The following PYHIN1 variants were observed in gnomAD, a reference collection of about 807,000 sequenced individuals.
The protein encoded by PYHIN1 is pyrin and HIN domain family member 1, also known as pyrin and HIN domain-containing protein 1.
Under a neutral mutation model 43.7 loss-of-function variants are expected in PYHIN1, and 32 were observed. The ratio of observed to expected loss-of-function variants is 0.73; its 90% confidence interval spans 0.55 to 0.98. The LOEUF (loss-of-function observed/expected upper bound fraction) is 0.98. PYHIN1 is among the 50% of genes least tolerant of loss of function. The pLI is 0.00. For synonymous variants in PYHIN1, 205 were observed against 203.1 expected, an observed-to-expected ratio of 1.01 and a Z score of -0.08; for missense variants, 588 against 589.5, an observed-to-expected ratio of 1.00 and a Z score of 0.03.
intron 1 of PYHIN1, 84 bp from the exon 2 acceptor site, chr1:158,936,807 G>T: frequency 1.2e-6 from 1 of 855,160 alleles, no homozygotes; most frequent in Non-Finnish European, 1.7e-6. Context: ...TCTTTCTTAT[G>T]GGCCACTTAT....
At chr1:158,939,643 T>C in intron 4 of PYHIN1, 1 of 992,578 alleles carries the variant, frequency 1.0e-6, no homozygotes, top group Non-Finnish European at 1.5e-6. Context: ...ACCTTTAAAC[T>C]CTTACCTGGC....
chr1:158,986,297 T>A, the PYHIN1 span, among the ~76,000 whole-genome samples: 1 of 152,184 alleles, frequency 6.6e-6, no homozygotes, highest in Admixed American at 6.5e-5. Context: ...TATTCTTTGA[T>A]GTCCTTGAGT....
chr1:158,976,437 G>T (rs901257513), intron 8 of PYHIN1, among the ~76,000 whole-genome samples: 5 of 151,932 alleles, frequency 3.3e-5, no homozygotes, highest in African/African-American at 7.3e-5. Context: ...CTATCTTATT[G>T]TTCCCTGACA....
At chr1:158,949,990 G>C (rs1332868934) in intron 7 of PYHIN1, among the ~76,000 whole-genome samples, 1 of 152,190 alleles carries the variant, frequency 6.6e-6, no homozygotes, top group East Asian at 1.9e-4. Context: ...CACAGTGGAA[G>C]GATAGTGGAG....
the PYHIN1 span, among the ~76,000 whole-genome samples, chr1:158,983,769 T>C: frequency 6.6e-6 from 1 of 152,172 alleles, no homozygotes; most frequent in East Asian, 1.9e-4. Flanking sequence ...GTCTGATCCA[T>C]GGCTTTTGTT....
Position 158,938,381 on chromosome 1 carries a change from C to T in PYHIN1, c.266-16C>T. The T allele has an allele frequency of 6.2e-7, 1 of 1,613,944 alleles. No individual in the cohort carries two copies. Among genetic ancestry groups the T allele is most frequent in the South Asian group, 1.1e-5 (1 of 91,058 alleles). ...ATCTGCTCTGGGTTTATACATCTTC[C>T]TTTTTTCTGCATTAGTTGCAAATAA... is the stretch of plus-strand genomic sequence containing the variant. On this transcript the variant is annotated splice_polypyrimidine_tract_variant and intron_variant, in intron 2 of 8. Transcript: ENST00000368140.
At chr1:158,936,219 C>A (rs965466931) in intron 1 of PYHIN1, among the ~76,000 whole-genome samples, 8 of 104,146 alleles carry the variant, frequency 7.7e-5, no homozygotes, top group Middle Eastern at 7.1e-3. Context: ...CCTCCCCCCA[C>A]CCCACAACAG....
chr1:158,953,802 T>C (rs182115506), intron 7 of PYHIN1, among the ~76,000 whole-genome samples: 30 of 151,864 alleles, frequency 2.0e-4, no homozygotes, highest in African/African-American at 7.0e-4. Context: ...CAAATTACTC[T>C]GAGCTATGGG....
rs568261949 is a variant in PYHIN1, at chr1:158,944,286, T to C, written c.1191+308T>C. On this transcript the variant is annotated intron_variant, in intron 6 of 8. Transcript: ENST00000368140. ...GTTCTTTGCAGTAAGATAGGCTTGG[T>C]ATATATCTTGCTCATTGGTTGCATG... Among the ~76,000 whole-genome samples the C allele has an allele frequency of 5.3e-5, 8 of 152,338 alleles. No individual in the cohort carries two copies. The South Asian group carries it at 1.7e-3, about 32-fold the overall frequency.
At chr1:158,962,578 A>G (rs1650385331) in intron 7 of PYHIN1, among the ~76,000 whole-genome samples, 1 of 152,194 alleles carries the variant, frequency 6.6e-6, no homozygotes, top group South Asian at 2.1e-4. Flanking sequence ...TTGTCTCAGG[A>G]GAAAATCTCA....
At chr1:158,978,486 C>T (rs1651372861), downstream of PYHIN1, among the ~76,000 whole-genome samples, 1 of 152,036 alleles carries the variant, frequency 6.6e-6, no homozygotes, top group African/African-American at 2.4e-5. Flanking sequence ...AAAACATCCT[C>T]CAAATTCAAA....
chr1:158,965,218 C>A (rs988633966), intron 7 of PYHIN1, among the ~76,000 whole-genome samples: 1 of 152,160 alleles, frequency 6.6e-6, no homozygotes, highest in African/African-American at 2.4e-5. Flanking sequence ...ACACACAACA[C>A]AGGAGCACCT....
chr1:158,953,009 C>T (rs1272125004), intron 7 of PYHIN1, among the ~76,000 whole-genome samples: 4 of 152,184 alleles, frequency 2.6e-5, no homozygotes, highest in South Asian at 2.1e-4. Flanking sequence ...CCTGGAAAAT[C>T]GGGTCACTCC....
At chr1:158,961,783 G>A (rs1000484033) in intron 7 of PYHIN1, among the ~76,000 whole-genome samples, 11 of 152,178 alleles carry the variant, frequency 7.2e-5, no homozygotes, top group African/African-American at 2.7e-4. Flanking sequence ...CCACCACTCA[G>A]GCATACAAGG....
Position 158,937,042 on chromosome 1 carries a change from C to G in PYHIN1, c.132C>G (p.Asp44Glu), listed in dbSNP as rs536136381. 3 of 1,614,036 alleles carry G rather than the reference C, an allele frequency of 1.9e-6. No individual in the cohort carries two copies. In the African/African-American group the frequency reaches 4.0e-5, roughly 22 times the overall value. The change falls in exon 2 of 9, where the codon GAC becomes GAG. Residue 44 changes from aspartate (D) to glutamate (E), a missense_variant. Asp to Glu is a conservative substitution (Grantham distance 45, BLOSUM62 2). Coordinates refer to ENST00000368140, the MANE Select transcript of PYHIN1 (RefSeq NM_152501.5). ...ATCCAAAAATGAAAGAAGAGTATGA[C>G]AAAATTCAGATTGCTGACTTGATGG... is the stretch of plus-strand genomic sequence containing the variant. Reference protein sequence around the residue: ...KLNPKMKEEYDKIQIADLMEE... With the variant: ...KLNPKMKEEYEKIQIADLMEE...
At chr1:158,987,735 G>A in the PYHIN1 span, among the ~76,000 whole-genome samples, 1 of 151,978 alleles carries the variant, frequency 6.6e-6, no homozygotes, top group Admixed American at 6.6e-5. Context: ...AATGAATCCA[G>A]TTTATTCATT....
intron 8 of PYHIN1, 75 bp from the exon 9 acceptor site, chr1:158,976,626 G>A: frequency 9.4e-7 from 1 of 1,067,006 alleles, no homozygotes; most frequent in South Asian, 1.5e-5. Flanking sequence ...GGGAGGAGAG[G>A]CAGTGTGATT....
chr1:158,979,691 G>A (rs77262640), downstream of PYHIN1, among the ~76,000 whole-genome samples: 11,090 of 152,138 alleles, frequency 0.073, 466 homozygotes, highest in Admixed American at 0.11. Context: ...TAAATACCAA[G>A]AAGAATAAAT....
chr1:158,959,229 T>C (rs373599385), intron 7 of PYHIN1, among the ~76,000 whole-genome samples: 45 of 152,222 alleles, frequency 3.0e-4, no homozygotes, highest in African/African-American at 1.1e-3. Context: ...GCCTGTCAGC[T>C]GAGCTAAGGG....
Sources: gnomAD v4.1 joint callset for allele counts (sites outside exome capture counted in the v4.1 genomes callset) on GRCh38, gnomAD v4.1.1 for gene constraint, MANE v1.5 for transcripts, NCBI Gene and HGNC (gene_info 2026-07-23, HGNC 2026-07-21) for gene names.